Variants in ALK observed in about 807,000 individuals in gnomAD.
The protein encoded by ALK is ALK receptor tyrosine kinase, also known as ALK tyrosine kinase receptor.
In ALK, 74 loss-of-function variants were observed where a neutral mutation model predicts 163.1. That is an observed-to-expected ratio of 0.45 (90% CI 0.38 to 0.55). The LOEUF (loss-of-function observed/expected upper bound fraction) is 0.55. ALK is among the 20% of genes least tolerant of loss of function. The pLI, the probability that ALK is intolerant of heterozygous loss-of-function variation, is 0.00. For synonymous variants in ALK, 960 were observed against 843.2 expected, an observed-to-expected ratio of 1.14 and a Z score of -2.40; for missense variants, 2,063 against 2,105.3, an observed-to-expected ratio of 0.98 and a Z score of 0.39.
rs979509732 is a variant in ALK at position 29,921,133 on chromosome 2, G to A, written c.-474C>T. ...CGGCGGCTCCCAGCTGCTGCACGCT[G>A]TCCTGGCCGCCTTTTGCGTTCCTTT... On this transcript the variant is annotated 5_prime_UTR_variant, in exon 1 of 29. Coordinates refer to ENST00000389048, the MANE Select transcript of ALK (RefSeq NM_004304.5). The A allele has an allele frequency of 9.2e-5, 22 of 240,224 alleles. No homozygotes were observed. Among genetic ancestry groups the A allele is most frequent in the African/African-American group, 4.8e-4 (22 of 45,630 alleles). The allele number at this position is 240,224 out of a possible 1,614,324, so 14.9% of individuals were successfully genotyped here.
intron 1 of ALK, among the ~76,000 whole-genome samples, chr2:29,861,998 A>C (rs989354033): frequency 6.6e-6 from 1 of 152,232 alleles, no homozygotes; most frequent in Admixed American, 6.5e-5. Flanking sequence ...AATATGATAC[A>C]CCACATTAAA....
chr2:29,285,649 G>A (rs1027338532), intron 9 of ALK, among the ~76,000 whole-genome samples: 1 of 150,914 alleles, frequency 6.6e-6, no homozygotes, highest in African/African-American at 2.4e-5. Flanking sequence ...TGCAATCTCC[G>A]CCTCCCAGGT....
rs563533440 is a variant in ALK, at chr2:29,789,978, G to C, written c.668-72281C>G. ...AGTTCTAAGATTTTATGTTCATCCT[G>C]ATCCCATCCCCAGCTGGCAGGCAGC... On this transcript the variant is annotated intron_variant, in intron 1 of 28. Transcript: ENST00000389048. Among the ~76,000 whole-genome samples, 27 of 152,232 alleles carry C rather than the reference G, an allele frequency of 1.8e-4. No individual in the cohort carries two copies. In the South Asian group the frequency reaches 5.6e-3, roughly 32 times the overall value.
At position 29,423,266 on chromosome 2, in the gene ALK, A is replaced by G. The variant is rs145942782; in HGVS notation, c.1155-39407T>C. ...GGAGGAGGAGGAACCTGAGACTTGA[A>G]AGAAACTGGAACTTGCCTGTGAGCC... On this transcript the variant is annotated intron_variant, in intron 4 of 28. Transcript: ENST00000389048. 1.1e-3 allele frequency among the ~76,000 whole-genome samples: 165 copies of G among 152,314 alleles called. 3 individuals are homozygous for G. In the East Asian group the frequency reaches 0.019, roughly 17 times the overall value.
chr2:29,831,790 G>A (rs1354886414), intron 1 of ALK, among the ~76,000 whole-genome samples: 1 of 152,172 alleles, frequency 6.6e-6, no homozygotes, highest in East Asian at 1.9e-4. Flanking sequence ...GAGGACAAAT[G>A]AGGTCATTCA....
intron 1 of ALK, among the ~76,000 whole-genome samples, chr2:29,742,956 A>G (rs1680102013): frequency 6.6e-6 from 1 of 152,240 alleles, no homozygotes; most frequent in African/African-American, 2.4e-5. Context: ...TACTTTGGCA[A>G]CGTCTCAGCC....
intron 5 of ALK, among the ~76,000 whole-genome samples, chr2:29,367,222 G>A (rs1175088507): frequency 1.3e-5 from 2 of 152,158 alleles, no homozygotes; most frequent in Non-Finnish European, 2.9e-5. Context: ...GTGCTGGAGG[G>A]TAAGGATTCG....
At chr2:29,754,329 G>C (rs1680454716) in intron 1 of ALK, among the ~76,000 whole-genome samples, 1 of 152,106 alleles carries the variant, frequency 6.6e-6, no homozygotes, top group South Asian at 2.1e-4. Context: ...CCCCACAAAA[G>C]GAGCTTTGAA....
chr2:29,201,978 C>T (rs1669192266), intron 26 of ALK, among the ~76,000 whole-genome samples: 1 of 152,052 alleles, frequency 6.6e-6, no homozygotes, highest in South Asian at 2.1e-4. Context: ...TCATATCACA[C>T]TCCTGCTTAC....
chr2:29,506,263 A>G (rs1487098218), intron 4 of ALK, among the ~76,000 whole-genome samples: 1 of 152,080 alleles, frequency 6.6e-6, no homozygotes. Flanking sequence ...GCTTTTCTTT[A>G]TATTATTCTA....
At chr2:29,536,080 T>C (rs933724372) in intron 3 of ALK, among the ~76,000 whole-genome samples, 36 of 152,188 alleles carry the variant, frequency 2.4e-4, no homozygotes, top group African/African-American at 8.2e-4. Flanking sequence ...CACCTCTAAA[T>C]GTCTGGTATG....
chr2:29,418,248 T>G (rs1669927933), intron 4 of ALK, among the ~76,000 whole-genome samples: 1 of 152,176 alleles, frequency 6.6e-6, no homozygotes. Flanking sequence ...ATGCTCTGTC[T>G]GGTGTAACTC....
intron 3 of ALK, among the ~76,000 whole-genome samples, chr2:29,640,181 C>T (rs78108925): frequency 6.6e-6 from 1 of 152,296 alleles, no homozygotes; most frequent in African/African-American, 2.4e-5. Context: ...TTCATCTCCT[C>T]AGTAAGTAAC....
At chr2:29,665,280 C>G (rs1217731753) in intron 3 of ALK, among the ~76,000 whole-genome samples, 1 of 152,096 alleles carries the variant, frequency 6.6e-6, no homozygotes, top group Non-Finnish European at 1.5e-5. Flanking sequence ...AACCACCATG[C>G]CTGGCCTCTG....
In ALK at chr2:29,246,773, T is replaced by C. The variant is rs983613159; in HGVS notation, c.2204+4332A>G. Among the ~76,000 whole-genome samples the C allele has an allele frequency of 3.9e-5, 6 of 152,120 alleles. No homozygotes were observed. Among genetic ancestry groups the C allele is most frequent in the African/African-American group, 9.7e-5 (4 of 41,422 alleles). On this transcript the variant is annotated intron_variant, in intron 12 of 28. Transcript: ENST00000389048. This position sits in a 1 kb window ranked among gnomAD's most constrained non-coding sequence, Gnocchi z 4.3. ...CCTGCCATCTTTCCCCTGTCCTGGCTCAGTCCTTTTGACCATGGCCTGAGT... is the reference window on the plus strand; with the variant it reads ...CCTGCCATCTTTCCCCTGTCCTGGCCCAGTCCTTTTGACCATGGCCTGAGT...
intron 4 of ALK, among the ~76,000 whole-genome samples, chr2:29,415,852 CT>C (rs1464543646): frequency 6.6e-6 from 1 of 152,180 alleles, no homozygotes. Flanking sequence ...AAATATCCAC[CT>C]TTTCTTGCCC....
chr2:29,399,495 A>C (rs1669391543), intron 4 of ALK, among the ~76,000 whole-genome samples: 1 of 152,228 alleles, frequency 6.6e-6, no homozygotes, highest in African/African-American at 2.4e-5. Context: ...TAGCATAGCC[A>C]GGCAATGCGG....
intron 23 of ALK, among the ~76,000 whole-genome samples, chr2:29,218,780 G>T (rs560801586): frequency 6.6e-6 from 1 of 152,250 alleles, no homozygotes; most frequent in Non-Finnish European, 1.5e-5. Context: ...GTGATGCCAC[G>T]TGTCCCCCAC....
intron 1 of ALK, among the ~76,000 whole-genome samples, chr2:29,863,866 C>A (rs1182314941): frequency 1.3e-5 from 2 of 152,142 alleles, no homozygotes; most frequent in Non-Finnish European, 2.9e-5. Flanking sequence ...CCTACTCTTT[C>A]ATAAGTCAGA....
Sources: gnomAD v4.1 joint callset for allele counts (sites outside exome capture counted in the v4.1 genomes callset) on GRCh38, gnomAD v4.1.1 for gene constraint, Gnocchi (gnomAD v3.1) non-coding constraint, MANE v1.5 for transcripts, NCBI Gene and HGNC (gene_info 2026-07-23, HGNC 2026-07-21) for gene names.